MAPKAPK5: variants seen among roughly 807,000 people sequenced by gnomAD.
MAPKAPK5 encodes the protein MAP kinase-activated protein kinase 5.
MAPKAPK5 carries 30 observed loss-of-function variants against 65.1 expected under a neutral mutation model. The observed-to-expected ratio is 0.46, with a 90% CI of 0.34 to 0.63. MAPKAPK5 has a LOEUF of 0.63. Among genes scored for constraint, MAPKAPK5 ranks in the 20% least tolerant of loss-of-function variants. The pLI, the probability that MAPKAPK5 is intolerant of heterozygous loss-of-function variation, is 0.01. For missense variants in MAPKAPK5, 433 were observed against 581.4 expected, an observed-to-expected ratio of 0.74 and a Z score of 2.63; for synonymous variants, 179 against 204.6, an observed-to-expected ratio of 0.87 and a Z score of 1.07.
chr12:111,865,284 G>A lies in MAPKAPK5; in HGVS notation c.71G>A (p.Trp24Ter). ...ATTTTAGAAGAATACAGTATCAATT[G>A]GACTCAGAAGCTGGGAGCTGGAATT... ...TSILEEYSIN[W>*]TQKLGAGISG... Residue 24 changes from tryptophan to a stop codon, truncating the protein, a stop_gained, in exon 2 of 14, where the codon TGG (tryptophan) becomes TAG (stop). Coordinates refer to ENST00000550735, the MANE Select transcript of MAPKAPK5 (RefSeq NM_003668.4). LOFTEE classifies it high-confidence loss of function. 1 of 1,591,792 alleles carries A rather than the reference G, an allele frequency of 6.3e-7. No homozygotes were observed. Among genetic ancestry groups the A allele is most frequent in the Non-Finnish European group, 8.6e-7 (1 of 1,168,056 alleles).
intron 1 of MAPKAPK5, among the ~76,000 whole-genome samples, chr12:111,845,840 T>C (rs925619492): frequency 6.6e-6 from 1 of 152,056 alleles, no homozygotes; most frequent in Non-Finnish European, 1.5e-5. Context: ...GGAGAATCGC[T>C]TGAACCTGGG....
At position 111,893,844 on chromosome 12, in the gene MAPKAPK5, T is replaced by C. The variant is rs2070708762; in HGVS notation, c.*783T>C. 6.6e-6 allele frequency: 1 copy of C among 151,920 alleles called. No homozygotes were observed. Among genetic ancestry groups the C allele is most frequent in the Admixed American group, 6.6e-5 (1 of 15,182 alleles). The allele number at this position is 151,920 out of a possible 1,614,324, so 9.4% of individuals were successfully genotyped here. A position where few individuals can be genotyped will look rare whatever the true frequency, so the allele number is the denominator to read the frequency against. On this transcript the variant is annotated 3_prime_UTR_variant, in exon 14 of 14. Transcript: ENST00000550735. ...GATCCTCCCACATCAGCCTCCCAAG[T>C]AGCTGGGATTACAGGTGCCCGCCAC...
Position 111,901,267 on chromosome 12 carries a change from C to G in MAPKAPK5, c.*8206C>G, listed in dbSNP as rs140509337. 2.2e-6 allele frequency: 1 copy of G among 455,924 alleles called. No individual in the cohort carries two copies. Among genetic ancestry groups the G allele is most frequent in the Admixed American group, 2.3e-5 (1 of 42,554 alleles). The allele number at this position is 455,924 out of a possible 1,614,324, so 28.2% of individuals were successfully genotyped here. On this transcript the variant is annotated 3_prime_UTR_variant, in exon 14 of 14. Transcript: ENST00000550735. Reference sequence around the variant, plus strand: ...ATTTCTGCCTGCAACCCAGAAAAAACGTGTAATGGGAAGGGAGTTTGTAAT... The same window carrying G: ...ATTTCTGCCTGCAACCCAGAAAAAAGGTGTAATGGGAAGGGAGTTTGTAAT...
Position 111,898,185 on chromosome 12 carries a change from T to C in MAPKAPK5, c.*5124T>C, listed in dbSNP as rs2070884298. 6.6e-6 allele frequency: 1 copy of C among 152,076 alleles called. No individual in the cohort carries two copies. Among genetic ancestry groups the C allele is most frequent in the Non-Finnish European group, 1.5e-5 (1 of 68,008 alleles). The allele number at this position is 152,076 out of a possible 1,614,324, so 9.4% of individuals were successfully genotyped here. A position where few individuals can be genotyped will look rare whatever the true frequency, so the allele number is the denominator to read the frequency against. On this transcript the variant is annotated 3_prime_UTR_variant, in exon 14 of 14. Coordinates refer to ENST00000550735, the MANE Select transcript of MAPKAPK5 (RefSeq NM_003668.4). ...TTATTTTGACCCCACAGTTTTTTTT[T>C]TGAGACGGATTCTCACTCTGTTGCC...
intron 13 of MAPKAPK5, among the ~76,000 whole-genome samples, chr12:111,891,262 T>C (rs1179054913): frequency 6.7e-6 from 1 of 150,134 alleles, no homozygotes; most frequent in Non-Finnish European, 1.5e-5. Flanking sequence ...CCCAGCTAAT[T>C]TTTGTATTTT....
At position 111,842,762 on chromosome 12, in the gene MAPKAPK5, C is replaced by T. The variant is rs2068753853; in HGVS notation, c.29C>T (p.Ala10Val). Residue 10 changes from alanine (A) to valine (V), a missense_variant, in exon 1 of 14, where the codon GCC becomes GTC. Physicochemically the swap from Ala to Val is moderately conservative, Grantham distance 64. Around this residue, in one of 3 missense-constraint regions of MAPKAPK5, gnomAD observed 165 missense variants for 180.0 expected, o/e 0.92. Transcript: ENST00000550735. MSEESDMDK[A>V]IKETSILEEY... Reference sequence around the variant, plus strand: ...TCGGAGGAGAGCGACATGGACAAAGCCATCAAGGTAAGGGGGAGGTGCCCC... The same window carrying T: ...TCGGAGGAGAGCGACATGGACAAAGTCATCAAGGTAAGGGGGAGGTGCCCC... The T allele has an allele frequency of 2.2e-6, 3 of 1,339,962 alleles. No individual in the cohort carries two copies. Among genetic ancestry groups the T allele is most frequent in the East Asian group, 5.6e-5 (2 of 35,874 alleles). The allele number at this position is 1,339,962 out of a possible 1,614,324, so 83.0% of individuals were successfully genotyped here.
rs2070710830 is a variant in MAPKAPK5 at position 111,893,912 on chromosome 12, C to T, written c.*851C>T. 1 of 152,078 alleles carries T rather than the reference C, an allele frequency of 6.6e-6. No individual in the cohort carries two copies. The highest frequency in any genetic ancestry group is 1.5e-5 in the Non-Finnish European group (1 of 68,190). The allele number at this position is 152,078 out of a possible 1,614,324, so 9.4% of individuals were successfully genotyped here. On this transcript the variant is annotated 3_prime_UTR_variant, in exon 14 of 14. Coordinates refer to ENST00000550735, the MANE Select transcript of MAPKAPK5 (RefSeq NM_003668.4). ...TGTATTTTTAGTAGAGACAGGGTTT[C>T]ACCACGTTGGCCAGGCTGGTCTTGA...
chr12:111,846,510 T>TC (rs1319163840), intron 1 of MAPKAPK5, among the ~76,000 whole-genome samples: 2 of 149,474 alleles, frequency 1.3e-5, no homozygotes, highest in East Asian at 3.9e-4. Context: ...CTTTTTTTTT[T>TC]TTTTTGAGAC....
chr12:111,874,711 C>T (rs1401054668), intron 7 of MAPKAPK5, among the ~76,000 whole-genome samples: 2 of 148,802 alleles, frequency 1.3e-5, no homozygotes, highest in East Asian at 4.1e-4. Context: ...AATCCACCCA[C>T]TTTGGCTTCC....
In MAPKAPK5 at chr12:111,881,402, C is replaced by CTTTTTTTTTTTTTT. The variant is rs1274226182; in HGVS notation, c.660+875_660+876insTTTTTTTTTTTTTT. ...AGCCCACATATTGATCCTGTCTGTT[C>CTTTTTTTTTTTTTT]CTTTTTTTTTTTTTTTTTTTGAGAC... On this transcript the variant is annotated intron_variant, in intron 8 of 13. Transcript: ENST00000550735. 2.1e-3 allele frequency among the ~76,000 whole-genome samples: 243 copies of CTTTTTTTTTTTTTT among 116,650 alleles called. 20 individuals carry two copies. The highest frequency in any genetic ancestry group is 3.7e-3 in the African/African-American group (111 of 30,112). The allele number at this position is 116,650 out of a possible 152,430, so 76.5% of individuals were successfully genotyped here. A position where few individuals can be genotyped will look rare whatever the true frequency, so the allele number is the denominator to read the frequency against.
rs767020229 is a variant in MAPKAPK5 at position 111,893,142 on chromosome 12, A to G, written c.*81A>G. ...AAAGTAATTTTATGTAAATTAATAA[A>G]TCATAATTTCATTTCCACATTGATT... On this transcript the variant is annotated 3_prime_UTR_variant, in exon 14 of 14. Transcript: ENST00000550735. The G allele has an allele frequency of 3.9e-6, 4 of 1,027,234 alleles. No homozygotes were observed. The highest frequency in any genetic ancestry group is 2.8e-5 in the East Asian group (1 of 35,414). The allele number at this position is 1,027,234 out of a possible 1,614,324, so 63.6% of individuals were successfully genotyped here.
chr12:111,871,095 T>C lies in MAPKAPK5; in HGVS notation c.494T>C (p.Val165Ala), dbSNP rs1402235314. ...TTTTTTTAATTTCAGGATGCCCCAGTGAAGTTGTGTGACTTTGGATTTGCC... is the reference window on the plus strand; with the variant it reads ...TTTTTTTAATTTCAGGATGCCCCAGCGAAGTTGTGTGACTTTGGATTTGCC... ...LFKDNSLDAP[V>A]KLCDFGFAKI... is the part of the protein sequence containing the mutation. Residue 165 changes from valine to alanine, a missense_variant, in exon 7 of 14, where the codon GTG (valine) becomes GCG (alanine). This residue lies in a region of MAPKAPK5 where 99 missense variants were observed against 185.8 expected (regional missense o/e 0.53). Coordinates refer to ENST00000550735, the MANE Select transcript of MAPKAPK5 (RefSeq NM_003668.4). The C allele has an allele frequency of 6.2e-7, 1 of 1,613,326 alleles. No individual in the cohort carries two copies. Among genetic ancestry groups the C allele is most frequent in the South Asian group, 1.1e-5 (1 of 90,978 alleles).
chr12:111,875,497 C>A (rs560101943), intron 7 of MAPKAPK5, among the ~76,000 whole-genome samples: 1 of 152,118 alleles, frequency 6.6e-6, no homozygotes, highest in Non-Finnish European at 1.5e-5. Flanking sequence ...CTTGGCCCCC[C>A]CTTAGCAATA....
At chr12:111,850,574 A>G (rs2069048102) in intron 1 of MAPKAPK5, among the ~76,000 whole-genome samples, 1 of 152,226 alleles carries the variant, frequency 6.6e-6, no homozygotes, top group African/African-American at 2.4e-5. Flanking sequence ...AGAGGCGGCA[A>G]ACAAGTTCCC....
intron 13 of MAPKAPK5, among the ~76,000 whole-genome samples, chr12:111,891,518 G>A (rs2070605549): frequency 6.6e-6 from 1 of 151,156 alleles, no homozygotes; most frequent in East Asian, 2.0e-4. Flanking sequence ...TGAGGGCCAG[G>A]CACGATGGGT....
chr12:111,863,352 C>T (rs2069504231), intron 1 of MAPKAPK5, among the ~76,000 whole-genome samples: 1 of 152,102 alleles, frequency 6.6e-6, no homozygotes, highest in African/African-American at 2.4e-5. Context: ...TAGTTATTTA[C>T]TGTATGCTGA....
chr12:111,874,211 A>G (rs751316828), intron 7 of MAPKAPK5, among the ~76,000 whole-genome samples: 16 of 151,942 alleles, frequency 1.1e-4, no homozygotes, highest in Non-Finnish European at 2.2e-4. Context: ...CCTGGCTGCC[A>G]TGGTGAAACC....
At chr12:111,891,293 G>A (rs2070599184) in intron 13 of MAPKAPK5, among the ~76,000 whole-genome samples, 1 of 149,816 alleles carries the variant, frequency 6.7e-6, no homozygotes, top group Admixed American at 6.7e-5. Context: ...GTGGAGACGG[G>A]GTTTCACCAT....
At chr12:111,889,266 T>A in intron 12 of MAPKAPK5, 1 of 368,334 alleles carries the variant, frequency 2.7e-6, no homozygotes, top group Non-Finnish European at 4.9e-6. Context: ...CAGTGTCAGG[T>A]GCAAGCATGC....
Sources: allele counts gnomAD v4.1 joint callset (sites outside exome capture counted in the v4.1 genomes callset), GRCh38; gene constraint gnomAD v4.1.1; regional missense constraint gnomAD v4.1.1; transcripts MANE v1.5; gene names NCBI Gene and HGNC (gene_info 2026-07-23, HGNC 2026-07-21).